Variants in CHRNB3 observed in about 807,000 individuals in gnomAD.
CHRNB3 encodes the protein neuronal acetylcholine receptor subunit beta-3.
In CHRNB3, 37 loss-of-function variants were observed where a neutral mutation model predicts 40.6. The ratio of observed to expected loss-of-function variants is 0.91; its 90% CI spans 0.70 to 1.20. The LOEUF (loss-of-function observed/expected upper bound fraction) is 1.20. CHRNB3 is among the 50% of genes most tolerant of loss of function. The probability of loss-of-function intolerance (pLI) is 0.00; values close to 1 mark genes in which losing one functional copy is unlikely to be tolerated. For synonymous variants in CHRNB3, 207 were observed against 207.1 expected, an observed-to-expected ratio of 1.00 and a Z score of 0.00; for missense variants, 505 against 551.2, an observed-to-expected ratio of 0.92 and a Z score of 0.84.
intron 3 of CHRNB3, among the ~76,000 whole-genome samples, chr8:42,729,126 G>GTA (rs1816357502): frequency 6.6e-6 from 1 of 151,982 alleles, no homozygotes; most frequent in Non-Finnish European, 1.5e-5. Flanking sequence ...TCATGCCATT[G>GTA]GCCGGGCACG....
At chr8:42,728,224 C>T (rs1816343182) in intron 3 of CHRNB3, among the ~76,000 whole-genome samples, 1 of 152,114 alleles carries the variant, frequency 6.6e-6, no homozygotes, top group African/African-American at 2.4e-5. Flanking sequence ...TAGGAAAATG[C>T]ATATTAAAAA....
chr8:42,715,671 CT>C (rs1563610240), intron 3 of CHRNB3, among the ~76,000 whole-genome samples: 1 of 152,090 alleles, frequency 6.6e-6, no homozygotes, highest in Non-Finnish European at 1.5e-5. Context: ...TTTAGACACT[CT>C]TCTTCTATCC....
At chr8:42,698,195 AAGAT>A (rs1356995294) in intron 1 of CHRNB3, among the ~76,000 whole-genome samples, 5 of 152,216 alleles carry the variant, frequency 3.3e-5, no homozygotes, top group African/African-American at 4.8e-5. Flanking sequence ...GAAAAAGTGA[AAGAT>A]AGAGACAGAG....
chr8:42,706,422 C>T (rs757179800), intron 1 of CHRNB3, among the ~76,000 whole-genome samples: 3 of 152,160 alleles, frequency 2.0e-5, no homozygotes, highest in Non-Finnish European at 4.4e-5. Context: ...GGGGAATGGA[C>T]TGCAGAAAGG....
chr8:42,730,082 A>G (rs78018820), intron 3 of CHRNB3, among the ~76,000 whole-genome samples: 3,863 of 152,286 alleles, frequency 0.025, 174 homozygotes, highest in African/African-American at 0.088. Context: ...TTTATTGGAT[A>G]CAAGTTCTAA....
intron 5 of CHRNB3, among the ~76,000 whole-genome samples, chr8:42,732,955 T>C (rs1279818549): frequency 1.3e-5 from 2 of 152,128 alleles, no homozygotes; most frequent in African/African-American, 4.8e-5. Flanking sequence ...ATGAGATTTT[T>C]AAATTAATAT....
chr8:42,703,435 A>AAAAATATATATATATATATATATAT lies in CHRNB3; in HGVS notation c.53-5281_53-5280insAAATATATATATATATATATATATA. On this transcript the variant is annotated intron_variant, in intron 1 of 5. Coordinates refer to ENST00000289957, the MANE Select transcript of CHRNB3 (RefSeq NM_000749.5). ...CAAGACTTCGTCTAAAAAAAAAAAA[A>AAAAATATATATATATATATATATAT]ATATTTATATATATATATATATATA... Among the ~76,000 whole-genome samples the AAAAATATATATATATATATATATAT allele has an allele frequency of 1.3e-3, 63 of 47,372 alleles. 5 individuals are homozygous for AAAAATATATATATATATATATATAT. The highest frequency in any genetic ancestry group is 2.3e-3 in the East Asian group (2 of 876). 31.1% of individuals were successfully genotyped at this position (47,372 alleles called of 152,430 possible).
chr8:42,701,617 G>C (rs1001439811), intron 1 of CHRNB3, among the ~76,000 whole-genome samples: 17 of 152,136 alleles, frequency 1.1e-4, no homozygotes, highest in Non-Finnish European at 2.2e-4. Flanking sequence ...TTGTCTTAAA[G>C]TGTTACTAGG....
chr8:42,734,128 A>T (rs187481311), intron 5 of CHRNB3, among the ~76,000 whole-genome samples: 3,833 of 149,100 alleles, frequency 0.026, 167 homozygotes, highest in African/African-American at 0.089. Context: ...TGGTGGTGGG[A>T]GCCTGTAGTC....
At chr8:42,703,427 A>ATATATAT (rs1815855622) in intron 1 of CHRNB3, among the ~76,000 whole-genome samples, 2 of 35,822 alleles carry the variant, frequency 5.6e-5, no homozygotes, top group African/African-American at 1.1e-4. Context: ...TCGTCTAAAA[A>ATATATAT]AAAAAAAAAT....
chr8:42,711,553 C>T (rs983421500), intron 3 of CHRNB3, among the ~76,000 whole-genome samples: 3 of 151,914 alleles, frequency 2.0e-5, no homozygotes, highest in Non-Finnish European at 2.9e-5. Flanking sequence ...CGCCACCACG[C>T]CCAGCTGATT....
chr8:42,727,822 G>A (rs537803465), intron 3 of CHRNB3, among the ~76,000 whole-genome samples: 4 of 151,886 alleles, frequency 2.6e-5, no homozygotes, highest in South Asian at 4.2e-4. Flanking sequence ...GAGACTGTGC[G>A]ACTGCACTCC....
At chr8:42,732,684 C>A in intron 5 of CHRNB3, 135 bp downstream of exon 5, 2 of 829,452 alleles carry the variant, frequency 2.4e-6, no homozygotes, top group Non-Finnish European at 3.5e-6. Context: ...ATACATATAA[C>A]ATTTAAAGCA....
chr8:42,730,801 C>A lies in CHRNB3; in HGVS notation c.359+98C>A, dbSNP rs1286426674. 2.5e-5 allele frequency: 15 copies of A among 595,472 alleles called. 3 individuals are homozygous for A. The highest frequency in any genetic ancestry group is 2.1e-4 in the African/African-American group (9 of 43,460). The allele number at this position is 595,472 out of a possible 1,614,324, so 36.9% of individuals were successfully genotyped here. A position where few individuals can be genotyped will look rare whatever the true frequency, so the allele number is the denominator to read the frequency against. ...CGGTGGCTCACGCCTGTAATCCCAG[C>A]ACTTTGGGAGGCCGAGGCGGGTGGA... On this transcript the variant is annotated intron_variant, in intron 4 of 5. Coordinates refer to ENST00000289957, the MANE Select transcript of CHRNB3 (RefSeq NM_000749.5).
At chr8:42,719,482 C>T (rs1816180965) in intron 3 of CHRNB3, among the ~76,000 whole-genome samples, 1 of 152,004 alleles carries the variant, frequency 6.6e-6, no homozygotes, top group African/African-American at 2.4e-5. Context: ...CCTGTCTGTA[C>T]AAAAAATAAG....
chr8:42,717,862 G>C (rs2128906842), intron 3 of CHRNB3, among the ~76,000 whole-genome samples: 1 of 115,784 alleles, frequency 8.6e-6, no homozygotes. Context: ...GTCTCACTCT[G>C]TCGCCCAGGC....
chr8:42,729,646 T>A (rs1816369214), intron 3 of CHRNB3, among the ~76,000 whole-genome samples: 1 of 152,140 alleles, frequency 6.6e-6, no homozygotes, highest in African/African-American at 2.4e-5. Context: ...GATGTTTTAA[T>A]GACAAAGTTG....
rs1244543597 is a variant in CHRNB3, at chr8:42,724,202, C to T, written c.250-6392C>T. ...ACCTGGTCAGGAGTTCGAGACCAGCCTGACCAACATGACAAAACCCCAAAC... is the reference window on the plus strand; with the variant it reads ...ACCTGGTCAGGAGTTCGAGACCAGCTTGACCAACATGACAAAACCCCAAAC... On this transcript the variant is annotated intron_variant, in intron 3 of 5. Transcript: ENST00000289957. 6.6e-5 allele frequency among the ~76,000 whole-genome samples: 10 copies of T among 152,178 alleles called. No homozygotes were observed. The South Asian group carries it at 1.9e-3, about 28-fold the overall frequency.
At chr8:42,713,860 G>A (rs1247988358) in intron 3 of CHRNB3, among the ~76,000 whole-genome samples, 3 of 152,120 alleles carry the variant, frequency 2.0e-5, no homozygotes, top group African/African-American at 7.2e-5. Flanking sequence ...GCAGGAATCT[G>A]GGTTTCCTAA....
Sources: allele counts gnomAD v4.1 joint callset (sites outside exome capture counted in the v4.1 genomes callset), GRCh38; gene constraint gnomAD v4.1.1; transcripts MANE v1.5; gene names NCBI Gene and HGNC (gene_info 2026-07-23, HGNC 2026-07-21).